Variants in CADM2 observed in about 807,000 individuals in gnomAD.
CADM2 encodes the protein immunoglobulin superfamily member 4D.
A neutral mutation model predicts 49.8 loss-of-function variants in CADM2; 12 were observed. The observed-to-expected ratio is 0.24, with a 90% CI of 0.15 to 0.39. CADM2 has a LOEUF of 0.39. Among genes scored for constraint, CADM2 ranks in the 10% least tolerant of loss-of-function variants. The pLI, the probability that CADM2 is intolerant of heterozygous loss-of-function variation, is 1.00. For missense variants in CADM2, 378 were observed against 492.3 expected (o/e 0.77, Z 2.20); for synonymous variants, 214 against 175.4 (o/e 1.22, Z -1.74).
At chr3:85,497,870 T>C (rs2039967466) in intron 1 of CADM2, among the ~76,000 whole-genome samples, 1 of 152,004 alleles carries the variant, frequency 6.6e-6, no homozygotes, top group South Asian at 2.1e-4. Context: ...ATATCTATTA[T>C]GTATCTATAT....
chr3:85,802,674 T>C (rs965784548), intron 3 of CADM2, among the ~76,000 whole-genome samples: 1 of 152,156 alleles, frequency 6.6e-6, no homozygotes, highest in Non-Finnish European at 1.5e-5. Flanking sequence ...GTATTTCATG[T>C]TTCCAAAATA....
At chr3:85,601,175 CACACACACACACACAT>C (rs2063393561) in intron 1 of CADM2, among the ~76,000 whole-genome samples, 1 of 103,414 alleles carries the variant, frequency 9.7e-6, no homozygotes, top group African/African-American at 5.4e-5. Context: ...TATATATATA[CACACACACACACACAT>C]ACATGTCATT....
chr3:85,579,887 G>A (rs1239419890), intron 1 of CADM2, among the ~76,000 whole-genome samples: 3 of 152,122 alleles, frequency 2.0e-5, no homozygotes, highest in African/African-American at 7.2e-5. Context: ...CTGTGTGCAT[G>A]TGTGTACACA....
rs112779841 is a variant in CADM2, at chr3:86,025,058, G to A, written c.971-40547G>A. Among the ~76,000 whole-genome samples the A allele has an allele frequency of 1.3e-4, 14 of 111,830 alleles. 1 individual carries two copies. Among genetic ancestry groups the A allele is most frequent in the African/African-American group, 3.9e-4 (14 of 36,346 alleles). The allele number at this position is 111,830 out of a possible 152,430, so 73.4% of individuals were successfully genotyped here. On this transcript the variant is annotated intron_variant, in intron 8 of 9. Transcript: ENST00000383699. Reference sequence around the variant, plus strand: ...TATGCCTGACTAGTTGTTTTTTTTTGTTTTGTTTTGTTTTGGAGACGGAGT... The same window carrying A: ...TATGCCTGACTAGTTGTTTTTTTTTATTTTGTTTTGTTTTGGAGACGGAGT...
At chr3:85,284,894 G>A (rs912135216) in intron 1 of CADM2, among the ~76,000 whole-genome samples, 3 of 151,950 alleles carry the variant, frequency 2.0e-5, no homozygotes, top group Non-Finnish European at 2.9e-5. Context: ...GTCAAGCATC[G>A]AATATACATG....
At position 86,067,754 on chromosome 3, in the gene CADM2, G is replaced by A. The variant is rs898207617; in HGVS notation, c.*971G>A. ...CAGTCATAAGTAAGCATTTTCTAAC[G>A]TCCATTATATCCCTTTAGGTATTAC... On this transcript the variant is annotated 3_prime_UTR_variant, in exon 10 of 10. Coordinates refer to ENST00000383699, the MANE Select transcript of CADM2 (RefSeq NM_001167675.2). The A allele has an allele frequency of 1.3e-5, 2 of 152,280 alleles. No homozygotes were observed. The highest frequency in any genetic ancestry group is 2.1e-4 in the South Asian group (1 of 4,824). The allele number at this position is 152,280 out of a possible 1,614,324, so 9.4% of individuals were successfully genotyped here.
At chr3:85,802,418 C>T (rs573295425) in intron 3 of CADM2, among the ~76,000 whole-genome samples, 21 of 152,128 alleles carry the variant, frequency 1.4e-4, no homozygotes, top group Non-Finnish European at 2.8e-4. Flanking sequence ...AATTCTGTTT[C>T]GAAAATAGTT....
intron 3 of CADM2, among the ~76,000 whole-genome samples, chr3:85,869,034 G>GT (rs1175718050): frequency 5.3e-5 from 8 of 151,548 alleles, no homozygotes; most frequent in South Asian, 2.1e-4. Flanking sequence ...ATATTTTTCT[G>GT]TTTTTTTGTA....
chr3:85,576,867 G>A (rs1259023434), intron 1 of CADM2, among the ~76,000 whole-genome samples: 1 of 151,974 alleles, frequency 6.6e-6, no homozygotes, highest in African/African-American at 2.4e-5. Context: ...CTCTATTCAT[G>A]TGAATAATAT....
intron 1 of CADM2, among the ~76,000 whole-genome samples, chr3:85,632,050 T>C (rs1411593731): frequency 1.3e-5 from 2 of 152,160 alleles, no homozygotes; most frequent in African/African-American, 2.4e-5. Flanking sequence ...AGTTTGGCTC[T>C]GTGTCCCACC....
At chr3:86,049,284 T>A (rs1188003805) in intron 8 of CADM2, among the ~76,000 whole-genome samples, 2 of 151,202 alleles carry the variant, frequency 1.3e-5, no homozygotes, top group East Asian at 3.9e-4. Context: ...ATTTTTTATT[T>A]TTTTTTTTGA....
At chr3:85,094,282 T>A (rs1327153305) in intron 1 of CADM2, among the ~76,000 whole-genome samples, 1 of 152,136 alleles carries the variant, frequency 6.6e-6, no homozygotes, top group African/African-American at 2.4e-5. Flanking sequence ...AATTACCTAA[T>A]AAATAATTTT....
chr3:85,797,107 A>T, intron 2 of CADM2, among the ~76,000 whole-genome samples: 1 of 151,842 alleles, frequency 6.6e-6, no homozygotes, highest in East Asian at 1.9e-4. Context: ...AAAAAAAAGA[A>T]AAAGAAAAAA....
intron 1 of CADM2, among the ~76,000 whole-genome samples, chr3:85,642,651 A>G (rs2064758265): frequency 6.6e-6 from 1 of 152,166 alleles, no homozygotes; most frequent in Admixed American, 6.5e-5. Context: ...AGTTATCCAA[A>G]CTTTTATATA....
At chr3:85,782,655 C>CA (rs1195824594) in intron 2 of CADM2, among the ~76,000 whole-genome samples, 2,276 of 89,426 alleles carry the variant, frequency 0.025, 52 homozygotes, top group African/African-American at 0.08. Flanking sequence ...GACTCAGTCT[C>CA]AAAAAAAAAA....
chr3:85,549,932 C>CT (rs1209071690), intron 1 of CADM2, among the ~76,000 whole-genome samples: 9 of 151,732 alleles, frequency 5.9e-5, no homozygotes, highest in African/African-American at 1.9e-4. Context: ...ACCTAAAGGT[C>CT]TTTTTTTAAT....
intron 6 of CADM2, among the ~76,000 whole-genome samples, chr3:85,913,500 C>T (rs1312265830): frequency 1.3e-5 from 2 of 152,014 alleles, no homozygotes; most frequent in Non-Finnish European, 2.9e-5. Flanking sequence ...AGTACTGTTC[C>T]AATATGTTTC....
intron 1 of CADM2, among the ~76,000 whole-genome samples, chr3:85,171,221 G>C (rs984144257): frequency 4.6e-5 from 7 of 152,092 alleles, no homozygotes; most frequent in Admixed American, 4.6e-4. Context: ...TGTCTGTATA[G>C]AAATATTAGG....
intron 1 of CADM2, among the ~76,000 whole-genome samples, chr3:85,557,571 A>C (rs2061992171): frequency 6.6e-6 from 1 of 151,890 alleles, no homozygotes; most frequent in Non-Finnish European, 1.5e-5. Flanking sequence ...TAGAAAATGC[A>C]TCCCATGTTA....
Sources: gnomAD v4.1 joint callset for allele counts (sites outside exome capture counted in the v4.1 genomes callset) on GRCh38, gnomAD v4.1.1 for gene constraint, MANE v1.5 for transcripts, NCBI Gene and HGNC (gene_info 2026-07-23, HGNC 2026-07-21) for gene names.